SLC6A11: variants seen among roughly 807,000 people sequenced by gnomAD.
SLC6A11 encodes sodium- and chloride-dependent GABA transporter 3.
In SLC6A11, 25 loss-of-function variants were observed where a neutral mutation model predicts 74.8. The observed-to-expected ratio is 0.33, with a 90% CI of 0.24 to 0.47. The LOEUF (loss-of-function observed/expected upper bound fraction) is 0.47. Ranked by LOEUF, SLC6A11 falls within the 20% of genes least tolerant of loss-of-function variation. SLC6A11 has a pLI of 1.00. For missense variants in SLC6A11, 574 were observed against 837.0 expected (o/e 0.69, Z 3.88); for synonymous variants, 330 against 330.2 (o/e 1.00, Z 0.01).
At chr3:10,820,223 C>G (rs896664868) in intron 3 of SLC6A11, among the ~76,000 whole-genome samples, 4 of 152,174 alleles carry the variant, frequency 2.6e-5, no homozygotes, top group African/African-American at 9.7e-5. Context: ...GTCAAGTTTT[C>G]CCCTGTAAAA....
At chr3:10,897,998 G>A (rs369573961) in intron 6 of SLC6A11, among the ~76,000 whole-genome samples, 46 of 152,364 alleles carry the variant, frequency 3.0e-4, no homozygotes, top group Middle Eastern at 3.4e-3. Flanking sequence ...ACACCACGTG[G>A]AAGCTGCCAA....
intron 5 of SLC6A11, among the ~76,000 whole-genome samples, chr3:10,868,114 A>T (rs1315745802): frequency 2.0e-5 from 3 of 152,180 alleles, no homozygotes; most frequent in African/African-American, 7.2e-5. Context: ...TGAAGTTTGG[A>T]TTAGTCTATC....
chr3:10,885,446 C>G (rs139707850), intron 6 of SLC6A11, among the ~76,000 whole-genome samples: 47 of 152,190 alleles, frequency 3.1e-4, no homozygotes, highest in Admixed American at 1.3e-3. Flanking sequence ...GAGCATGGGT[C>G]TCAACTGAGG....
intron 4 of SLC6A11, among the ~76,000 whole-genome samples, chr3:10,841,345 C>T (rs921381628): frequency 3.3e-5 from 5 of 152,108 alleles, no homozygotes; most frequent in African/African-American, 1.2e-4. Context: ...TCCAAGTCTC[C>T]GGAGTTGAGT....
intron 6 of SLC6A11, among the ~76,000 whole-genome samples, chr3:10,903,474 T>A (rs1238787794): frequency 6.6e-6 from 1 of 152,238 alleles, no homozygotes; most frequent in Non-Finnish European, 1.5e-5. Flanking sequence ...AGAGCTTATC[T>A]GCCTTTGCTT....
intron 4 of SLC6A11, among the ~76,000 whole-genome samples, chr3:10,832,228 A>G (rs1258589144): frequency 6.6e-6 from 1 of 152,204 alleles, no homozygotes; most frequent in African/African-American, 2.4e-5. Flanking sequence ...GTGCCCTGCA[A>G]ACCCACCCAC....
intron 8 of SLC6A11, among the ~76,000 whole-genome samples, chr3:10,923,054 G>A (rs115878404): frequency 6.6e-6 from 1 of 152,020 alleles, no homozygotes; most frequent in African/African-American, 2.4e-5. Flanking sequence ...TATTGGAATT[G>A]GAAGTATCAA....
At chr3:10,849,825 A>G (rs1034519578) in intron 5 of SLC6A11, among the ~76,000 whole-genome samples, 5 of 140,732 alleles carry the variant, frequency 3.6e-5, no homozygotes, top group African/African-American at 1.1e-4. Context: ...AAAAAAAACG[A>G]AAAAAAACCC....
Position 10,820,885 on chromosome 3 carries a change from G to A in SLC6A11, c.532+1033G>A, listed in dbSNP as rs576118808. Among the ~76,000 whole-genome samples the A allele has an allele frequency of 3.3e-5, 5 of 152,328 alleles. No homozygotes were observed. The East Asian group carries it at 7.7e-4, about 24-fold the overall frequency. ...CTGTATGATAACCTGTGTTTAGATTGTGTCTGGAAGTGGCCTGCCATCGTG... is the reference window on the plus strand; with the variant it reads ...CTGTATGATAACCTGTGTTTAGATTATGTCTGGAAGTGGCCTGCCATCGTG... On this transcript the variant is annotated intron_variant, in intron 3 of 13. Coordinates refer to ENST00000254488, the MANE Select transcript of SLC6A11 (RefSeq NM_014229.3).
chr3:10,861,572 A>T (rs1471186176), intron 5 of SLC6A11, among the ~76,000 whole-genome samples: 2 of 152,164 alleles, frequency 1.3e-5, no homozygotes, highest in Admixed American at 6.5e-5. Context: ...AAAGAGACTT[A>T]AAAAAATCAT....
intron 7 of SLC6A11, among the ~76,000 whole-genome samples, chr3:10,917,453 C>T (rs2106628625): frequency 6.6e-6 from 1 of 152,290 alleles, no homozygotes; most frequent in East Asian, 1.9e-4. Context: ...CAGCTCCTCC[C>T]CTATAAAATG....
At chr3:10,823,513 C>A (rs1694164931) in intron 4 of SLC6A11, 121 bp downstream of exon 4, 1 of 690,826 alleles carries the variant, frequency 1.4e-6, no homozygotes, top group Non-Finnish European at 2.7e-6. Context: ...CACTTCCTGG[C>A]TTCTGTGAGC....
At chr3:10,938,127 C>T (rs546447672) in intron 13 of SLC6A11, 123 bp from the exon 14 acceptor site, 404 of 926,914 alleles carry the variant, frequency 4.4e-4, no homozygotes, top group Non-Finnish European at 5.9e-4. Flanking sequence ...AGCTGGGGCC[C>T]GGACCTTGGT....
intron 5 of SLC6A11, among the ~76,000 whole-genome samples, chr3:10,863,194 C>T (rs1694723524): frequency 6.6e-6 from 1 of 152,150 alleles, no homozygotes; most frequent in Non-Finnish European, 1.5e-5. Flanking sequence ...AAGAGAAAGC[C>T]AGGTCTGTGA....
At chr3:10,876,059 T>C (rs1694903844) in intron 6 of SLC6A11, among the ~76,000 whole-genome samples, 1 of 152,196 alleles carries the variant, frequency 6.6e-6, no homozygotes, top group Non-Finnish European at 1.5e-5. Flanking sequence ...AGTTTCCAAA[T>C]AGGAAATGAG....
At position 10,929,190 on chromosome 3, in the gene SLC6A11, C is replaced by T. The variant is rs1241010787; in HGVS notation, c.1234-12C>T. On this transcript the variant is annotated splice_polypyrimidine_tract_variant and intron_variant, in intron 9 of 13. Coordinates refer to ENST00000254488, the MANE Select transcript of SLC6A11 (RefSeq NM_014229.3). ...GTCCTTGAGTTTCACACCATCATAT[C>T]TCCCCATCCAGTTTGTGTGTGTGGA... The T allele has an allele frequency of 1.2e-6, 2 of 1,613,440 alleles. No individual in the cohort carries two copies. Among genetic ancestry groups the T allele is most frequent in the Admixed American group, 1.7e-5 (1 of 59,998 alleles).
chr3:10,829,347 C>T (rs1179065368), intron 4 of SLC6A11, among the ~76,000 whole-genome samples: 1 of 152,170 alleles, frequency 6.6e-6, no homozygotes. Context: ...CTCATCTCTA[C>T]AGGTACAGAG....
intron 5 of SLC6A11, among the ~76,000 whole-genome samples, chr3:10,869,512 C>T (rs1323081396): frequency 1.3e-5 from 2 of 152,156 alleles, no homozygotes; most frequent in African/African-American, 2.4e-5. Context: ...CTTGGGTGGC[C>T]GAGGAGCTGG....
At chr3:10,859,956 G>T (rs1458643408) in intron 5 of SLC6A11, among the ~76,000 whole-genome samples, 1 of 152,172 alleles carries the variant, frequency 6.6e-6, no homozygotes, top group African/African-American at 2.4e-5. Flanking sequence ...AGATTCTTCT[G>T]ACCTCAGGTG....
Sources: allele counts gnomAD v4.1 joint callset (sites outside exome capture counted in the v4.1 genomes callset), GRCh38; gene constraint gnomAD v4.1.1; transcripts MANE v1.5; gene names NCBI Gene and HGNC (gene_info 2026-07-23, HGNC 2026-07-21).